Variants in PFKP observed in about 807,000 individuals in gnomAD.
PFKP encodes the protein ATP-dependent 6-phosphofructokinase, platelet type.
PFKP carries 101 observed loss-of-function variants against 94.3 expected under a neutral mutation model. The ratio of observed to expected loss-of-function variants is 1.07; its 90% CI spans 0.91 to 1.26. The LOEUF is 1.26. Among genes scored for constraint, PFKP ranks in the 50% most tolerant of loss-of-function variants. PFKP has a pLI of 0.00. For synonymous variants in PFKP, 573 were observed against 432.6 expected, an observed-to-expected ratio of 1.32 and a Z score of -4.03; for missense variants, 1,145 against 1,103.3, an observed-to-expected ratio of 1.04 and a Z score of -0.53.
intron 2 of PFKP, among the ~76,000 whole-genome samples, chr10:3,084,300 C>T (rs1028173807): frequency 2.6e-5 from 4 of 152,180 alleles, no homozygotes; most frequent in African/African-American, 9.7e-5. Context: ...CTGTGTGCGG[C>T]GGCCTTCTGA....
intron 12 of PFKP, 86 bp from the exon 13 acceptor site, chr10:3,113,285 GC>G (rs1836443867): frequency 6.3e-7 from 1 of 1,576,476 alleles, no homozygotes; most frequent in Non-Finnish European, 8.7e-7. Context: ...TTCAGGCCTG[GC>G]ACGGCATGAG....
chr10:3,067,934 T>G (rs1056450324), intron 1 of PFKP, among the ~76,000 whole-genome samples: 2 of 151,992 alleles, frequency 1.3e-5, no homozygotes, highest in Non-Finnish European at 2.9e-5. Flanking sequence ...CGGGGCGGCA[T>G]GAGCCGGCGA....
intron 2 of PFKP, among the ~76,000 whole-genome samples, chr10:3,091,522 C>T (rs11592619): frequency 0.32 from 48,464 of 152,112 alleles, 7,999 homozygotes; most frequent in Middle Eastern, 0.38. Context: ...ATATGACTCA[C>T]TTAAGATTCT....
At chr10:3,130,036 T>G in intron 17 of PFKP, 53 bp downstream of exon 17, 1 of 1,488,924 alleles carries the variant, frequency 6.7e-7, no homozygotes, top group Non-Finnish European at 9.1e-7. Context: ...CACTGGGTGC[T>G]GCGGAGTGAA....
chr10:3,086,004 G>GGT (rs1011807883), intron 2 of PFKP, among the ~76,000 whole-genome samples: 1 of 151,918 alleles, frequency 6.6e-6, no homozygotes, highest in Non-Finnish European at 1.5e-5. Flanking sequence ...GGAGAGGGTG[G>GGT]GTGTGATCTG....
At chr10:3,108,451 C>T (rs1835848760) in intron 8 of PFKP, among the ~76,000 whole-genome samples, 1 of 152,138 alleles carries the variant, frequency 6.6e-6, no homozygotes, top group South Asian at 2.1e-4. Flanking sequence ...GAACATATTA[C>T]TTGTATTCAT....
chr10:3,134,545 G>GT lies in PFKP; in HGVS notation c.2086dup (p.Trp696LeufsTer20). 6.2e-7 allele frequency: 1 copy of GT among 1,614,058 alleles called. No homozygotes were observed. Among genetic ancestry groups the GT allele is most frequent in the Non-Finnish European group, 8.5e-7 (1 of 1,179,930 alleles). ...CCAAAATCTCTGCCAGAGCTATGGA[G>GT]TGGATCACTGCAAAACTCAAGGAGG... On this transcript the variant is annotated frameshift_variant, in exon 20 of 22. Transcript: ENST00000381125. LOFTEE classifies it high-confidence loss of function.
At chr10:3,068,677 C>T (rs1249534090) in intron 1 of PFKP, 37 of 985,102 alleles carry the variant, frequency 3.8e-5, no homozygotes, top group Non-Finnish European at 4.5e-5. Flanking sequence ...GCCCCAGGCC[C>T]CGGGTGCACG....
intron 20 of PFKP, 111 bp downstream of exon 20, chr10:3,134,693 GTA>G (rs1839023288): frequency 1.4e-6 from 1 of 691,460 alleles, no homozygotes; most frequent in Non-Finnish European, 2.6e-6. Flanking sequence ...CTTCAGTTCA[GTA>G]CTGAGCTGCA....
At chr10:3,105,635 C>T in intron 7 of PFKP, 134 bp downstream of exon 7, 1 of 670,066 alleles carries the variant, frequency 1.5e-6, no homozygotes, top group African/African-American at 1.8e-5. Context: ...TTGTATTTCA[C>T]TCTATGGACT....
rs1226818419 is a variant in PFKP, at chr10:3,109,363, C to T, written c.972C>T (p.Arg324=). Residue 324 remains arginine (R), a synonymous_variant, in exon 10 of 22, where the codon CGC becomes CGT. Transcript: ENST00000381125. The part of the protein sequence containing the change: ...PSAFDRILAS[R]MGVEAVIALL... The stretch of plus-strand genomic sequence containing the variant: ...ATGGACCTGGTTTCCAGGCCAGCCG[C>T]ATGGGAGTGGAGGCAGTCATCGCCT... 5.0e-6 allele frequency: 8 copies of T among 1,610,114 alleles called. No homozygotes were observed. The highest frequency in any genetic ancestry group is 6.8e-6 in the Non-Finnish European group (8 of 1,180,000).
chr10:3,125,163 T>C (rs780933851), intron 16 of PFKP: 1 of 1,350,734 alleles, frequency 7.4e-7, no homozygotes, highest in Admixed American at 2.0e-5. Context: ...CATCCCCCTG[T>C]GTGTGGTGCC....
At chr10:3,108,159 G>C (rs1835823066) in intron 8 of PFKP, among the ~76,000 whole-genome samples, 1 of 152,214 alleles carries the variant, frequency 6.6e-6, no homozygotes, top group Non-Finnish European at 1.5e-5. Flanking sequence ...AATGGACCGA[G>C]AAGGAACCAA....
intron 2 of PFKP, among the ~76,000 whole-genome samples, chr10:3,093,151 C>G (rs1453335708): frequency 6.6e-6 from 1 of 151,328 alleles, no homozygotes; most frequent in Non-Finnish European, 1.5e-5. Flanking sequence ...AGACAAAGAG[C>G]AGGTGACAGC....
At chr10:3,136,251 G>A (rs958998441) in intron 21 of PFKP, among the ~76,000 whole-genome samples, 199 bp from the exon 22 acceptor site, 10 of 152,106 alleles carry the variant, frequency 6.6e-5, no homozygotes, top group South Asian at 2.1e-4. Context: ...GCGACAGAGC[G>A]AGACTCCACC....
chr10:3,087,981 ATTC>A (rs1158158015), intron 2 of PFKP, among the ~76,000 whole-genome samples: 2 of 44,078 alleles, frequency 4.5e-5, no homozygotes, highest in Non-Finnish European at 8.4e-5. Context: ...TGTATCTTTC[ATTC>A]TTTTTTTTTT....
intron 2 of PFKP, among the ~76,000 whole-genome samples, chr10:3,089,419 C>G (rs920848862): frequency 1.3e-5 from 2 of 151,902 alleles, no homozygotes; most frequent in Admixed American, 1.3e-4. Context: ...TGTAGGAGTG[C>G]GGAGGTCTCT....
intron 18 of PFKP, 144 bp from the exon 19 acceptor site, chr10:3,133,059 G>A (rs529810174): frequency 1.6e-4 from 107 of 670,678 alleles, no homozygotes; most frequent in East Asian, 1.1e-3. Context: ...AAGCAAAACC[G>A]TGAACTGGAG....
chr10:3,118,149 T>G (rs928497039), intron 14 of PFKP, among the ~76,000 whole-genome samples: 1 of 152,182 alleles, frequency 6.6e-6, no homozygotes, highest in Non-Finnish European at 1.5e-5. Context: ...AATGCATATG[T>G]AAGTTATTTG....
Sources: allele counts gnomAD v4.1 joint callset (sites outside exome capture counted in the v4.1 genomes callset), GRCh38; gene constraint gnomAD v4.1.1; transcripts MANE v1.5; gene names NCBI Gene and HGNC (gene_info 2026-07-23, HGNC 2026-07-21).